The following ARHGAP10 variants were observed in gnomAD, a reference collection of about 807,000 sequenced individuals.
ARHGAP10 encodes the protein Rho GTPase activating protein 10.
Under a neutral mutation model 108.6 loss-of-function variants are expected in ARHGAP10, and 87 were observed. That is an observed-to-expected ratio of 0.80 (90% confidence interval 0.67 to 0.96). The LOEUF (loss-of-function observed/expected upper bound fraction) is 0.96, where lower values mean the gene tolerates loss of function less well. Ranked by LOEUF, ARHGAP10 falls within the 40% of genes least tolerant of loss-of-function variation. The probability of loss-of-function intolerance (pLI) is 0.00; values close to 1 mark genes in which losing one functional copy is unlikely to be tolerated. For missense variants in ARHGAP10, 939 were observed against 954.5 expected, an observed-to-expected ratio of 0.98 and a Z score of 0.21; for synonymous variants, 347 against 341.1, an observed-to-expected ratio of 1.02 and a Z score of -0.19.
At position 147,813,911 on chromosome 4, in the gene ARHGAP10, T is replaced by G. The variant is rs60677226; in HGVS notation, c.155-8816T>G. Among the ~76,000 whole-genome samples the G allele has an allele frequency of 6.5e-3, 986 of 152,360 alleles. 10 individuals carry two copies. Among genetic ancestry groups the G allele is most frequent in the African/African-American group, 0.023 (940 of 41,588 alleles). On this transcript the variant is annotated intron_variant, in intron 1 of 22. Transcript: ENST00000336498. ...ATTGCCTTAATACCTCTTCTGCAAT[T>G]TAAAGTGATATAAATTTAACTCACT...
In ARHGAP10 at chr4:147,857,662, T is replaced by G; in HGVS notation, c.486+8T>G. ...GACTCACATTTACAAGAGGTATAATTTTTTATTTTTCTGTTACGTTTTCAA... is the reference window on the plus strand; with the variant it reads ...GACTCACATTTACAAGAGGTATAATGTTTTATTTTTCTGTTACGTTTTCAA... On this transcript the variant is annotated splice_region_variant and intron_variant, in intron 5 of 22. Coordinates refer to ENST00000336498, the MANE Select transcript of ARHGAP10 (RefSeq NM_024605.4). 6.9e-7 allele frequency: 1 copy of G among 1,448,258 alleles called. No individual in the cohort carries two copies. The allele number at this position is 1,448,258 out of a possible 1,614,324, so 89.7% of individuals were successfully genotyped here.
chr4:147,876,673 C>A (rs1052161960), intron 8 of ARHGAP10, among the ~76,000 whole-genome samples: 3 of 152,152 alleles, frequency 2.0e-5, no homozygotes, highest in Admixed American at 6.5e-5. Flanking sequence ...ATTATATGCC[C>A]AAGTGAAAAT....
chr4:147,883,855 C>A (rs1009342634), intron 10 of ARHGAP10, among the ~76,000 whole-genome samples: 6 of 151,976 alleles, frequency 3.9e-5, no homozygotes, highest in African/African-American at 1.5e-4. Flanking sequence ...CTACCAGACC[C>A]GGCTAATTTT....
chr4:147,898,925 A>T (rs1303019002), intron 10 of ARHGAP10, among the ~76,000 whole-genome samples: 1 of 151,888 alleles, frequency 6.6e-6, no homozygotes, highest in Non-Finnish European at 1.5e-5. Flanking sequence ...CGGGGGAACC[A>T]CTCCTGTGAT....
chr4:147,884,376 G>T (rs1345319117), intron 10 of ARHGAP10, among the ~76,000 whole-genome samples: 1 of 152,150 alleles, frequency 6.6e-6, no homozygotes, highest in Non-Finnish European at 1.5e-5. Context: ...TTAGGTCAGG[G>T]ATCTATTCTA....
intron 16 of ARHGAP10, among the ~76,000 whole-genome samples, chr4:147,962,093 T>C (rs1739021628): frequency 6.6e-6 from 1 of 152,236 alleles, no homozygotes; most frequent in Non-Finnish European, 1.5e-5. Flanking sequence ...TACTGCTAAA[T>C]ACCAGCCATT....
intron 3 of ARHGAP10, among the ~76,000 whole-genome samples, chr4:147,842,354 C>A (rs1181412501): frequency 6.6e-6 from 1 of 152,154 alleles, no homozygotes; most frequent in East Asian, 1.9e-4. Context: ...CTTGTGTAAT[C>A]TTTGTAGCCT....
At position 147,822,795 on chromosome 4, in the gene ARHGAP10, G is replaced by A; in HGVS notation, c.223G>A (p.Ala75Thr). 1.9e-6 allele frequency: 3 copies of A among 1,614,224 alleles called. No homozygotes were observed. Among genetic ancestry groups the A allele is most frequent in the Non-Finnish European group, 2.5e-6 (3 of 1,180,040 alleles). ...CTTTAAGTTTGAGTTTATCGGTGAT[G>A]CTGTGACAGATGATGAACGATGCAT... ...RDFKFEFIGD[A>T]VTDDERCIDA... The change falls in exon 2 of 23, where the codon GCT becomes ACT. Residue 75 changes from alanine (A) to threonine (T), a missense_variant. Transcript: ENST00000336498.
At chr4:147,983,115 C>T (rs1301785406) in intron 18 of ARHGAP10, among the ~76,000 whole-genome samples, 1 of 151,446 alleles carries the variant, frequency 6.6e-6, no homozygotes, top group Non-Finnish European at 1.5e-5. Flanking sequence ...CTCTTGGGCT[C>T]AGAAGATCCA....
At chr4:148,041,356 C>T (rs570807630) in intron 19 of ARHGAP10, among the ~76,000 whole-genome samples, 2 of 152,068 alleles carry the variant, frequency 1.3e-5, no homozygotes, top group African/African-American at 2.4e-5. Context: ...CTATCTCTGA[C>T]GTAACTGTTA....
Position 147,864,872 on chromosome 4 carries a change from G to A in ARHGAP10, c.513G>A (p.Arg171=). The change falls in exon 6 of 23, where the codon CGG becomes CGA. Residue 171 remains arginine, a synonymous_variant. Transcript: ENST00000336498. ...QEADIQVEQN[R]QHFYELSLEY... ...CAGATATCCAAGTAGAGCAGAACCG[G>A]CAACACTTCTATGAACTGTCTCTCG... The A allele has an allele frequency of 3.7e-6, 6 of 1,613,858 alleles. No homozygotes were observed. Among genetic ancestry groups the A allele is most frequent in the Non-Finnish European group, 5.1e-6 (6 of 1,179,892 alleles).
At chr4:147,892,859 G>T (rs1301462821) in intron 10 of ARHGAP10, among the ~76,000 whole-genome samples, 5 of 152,166 alleles carry the variant, frequency 3.3e-5, no homozygotes, top group Admixed American at 2.0e-4. Flanking sequence ...CTGGGGGTTA[G>T]AAGAGGGCAG....
At chr4:147,764,133 G>A (rs1729698978) in intron 1 of ARHGAP10, among the ~76,000 whole-genome samples, 1 of 152,192 alleles carries the variant, frequency 6.6e-6, no homozygotes, top group Non-Finnish European at 1.5e-5. Flanking sequence ...CTGGAAGGTA[G>A]GACGTGAGCA....
At chr4:148,009,664 C>T (rs1741096312) in intron 18 of ARHGAP10, among the ~76,000 whole-genome samples, 2 of 152,148 alleles carry the variant, frequency 1.3e-5, no homozygotes, top group South Asian at 4.1e-4. Flanking sequence ...TTCTGGTTAT[C>T]TTTTTCTACA....
chr4:148,064,255 C>T (rs1729757780), intron 21 of ARHGAP10, among the ~76,000 whole-genome samples, 161 bp from the exon 22 acceptor site: 1 of 152,002 alleles, frequency 6.6e-6, no homozygotes, highest in African/African-American at 2.4e-5. Flanking sequence ...AAATCAAGTA[C>T]TGTTCTTAGC....
chr4:147,952,002 T>A (rs1379204430), intron 15 of ARHGAP10, among the ~76,000 whole-genome samples: 1 of 152,198 alleles, frequency 6.6e-6, no homozygotes, highest in Non-Finnish European at 1.5e-5. Flanking sequence ...TGTAATTTTA[T>A]ATAAATAGAA....
chr4:147,782,032 G>A lies in ARHGAP10; in HGVS notation c.155-40695G>A, dbSNP rs115386858. On this transcript the variant is annotated intron_variant, in intron 1 of 22. Transcript: ENST00000336498. ...GCTGAATAGTTTTACCGCTTAGTAT[G>A]TCTCTTGTGACCTTGCCTTGCAAAG... 8.4e-3 allele frequency among the ~76,000 whole-genome samples: 1,276 copies of A among 152,272 alleles called. 15 individuals carry two copies. The highest frequency in any genetic ancestry group is 0.029 in the African/African-American group (1,221 of 41,570).
intron 18 of ARHGAP10, among the ~76,000 whole-genome samples, chr4:147,995,703 T>G (rs1016484309): frequency 9.2e-5 from 14 of 152,062 alleles, no homozygotes; most frequent in African/African-American, 3.4e-4. Flanking sequence ...TTCCAAAAAT[T>G]TGCATGGTCC....
intron 1 of ARHGAP10, among the ~76,000 whole-genome samples, chr4:147,799,137 C>T (rs1269698696): frequency 6.6e-6 from 1 of 151,638 alleles, no homozygotes; most frequent in Non-Finnish European, 1.5e-5. Flanking sequence ...CGGGTTCAAG[C>T]GATTCTCCTG....
Sources: allele counts gnomAD v4.1 joint callset (sites outside exome capture counted in the v4.1 genomes callset), GRCh38; gene constraint gnomAD v4.1.1; transcripts MANE v1.5; gene names NCBI Gene and HGNC (gene_info 2026-07-23, HGNC 2026-07-21).